The following TENM4 variants were observed in gnomAD, a reference collection of about 807,000 sequenced individuals.
TENM4 encodes the protein teneurin transmembrane protein 4, also known as teneurin-4.
A neutral mutation model predicts 243.3 loss-of-function variants in TENM4; 82 were observed. The ratio of observed to expected loss-of-function variants is 0.34; its 90% CI spans 0.28 to 0.40. TENM4 has a LOEUF of 0.40. Ranked by LOEUF, TENM4 falls within the 10% of genes least tolerant of loss-of-function variation. The pLI is 1.00. For synonymous variants in TENM4, 1,412 were observed against 1,456.3 expected, an observed-to-expected ratio of 0.97 and a Z score of 0.69; for missense variants, 3,138 against 3,673.3, an observed-to-expected ratio of 0.85 and a Z score of 3.77.
At chr11:79,223,384 G>A (rs1490764387) in intron 2 of TENM4, among the ~76,000 whole-genome samples, 1 of 152,080 alleles carries the variant, frequency 6.6e-6, no homozygotes, top group Non-Finnish European at 1.5e-5. Context: ...ACCCCTTCAA[G>A]CACATCATCA....
In TENM4 at chr11:79,438,161, G is replaced by C. The variant is rs970295646; in HGVS notation, c.-321+2348C>G. 6.6e-6 allele frequency among the ~76,000 whole-genome samples: 1 copy of C among 152,098 alleles called. No individual in the cohort carries two copies. The highest frequency in any genetic ancestry group is 2.4e-5 in the African/African-American group (1 of 41,398). On this transcript the variant is annotated intron_variant, in intron 1 of 33. Coordinates refer to ENST00000278550, the MANE Select transcript of TENM4 (RefSeq NM_001098816.3). The surrounding 1 kb of genome is among the most constrained non-coding windows in gnomAD (Gnocchi z 4.1). Reference sequence around the variant, plus strand: ...CATCACCATCTCCTGACTGCGGGCTGGGGGGAAGGGAGTTCAGGGCCAATG... The same window carrying C: ...CATCACCATCTCCTGACTGCGGGCTCGGGGGAAGGGAGTTCAGGGCCAATG...
chr11:79,100,831 G>A lies in TENM4; in HGVS notation c.-65-30822C>T, dbSNP rs113868230. Among the ~76,000 whole-genome samples the A allele has an allele frequency of 2.0e-5, 3 of 152,262 alleles. 1 individual carries two copies. Among genetic ancestry groups the A allele is most frequent in the African/African-American group, 7.2e-5 (3 of 41,554 alleles). ...TCAAGTGGACAAAAGGTATTTAGCA[G>A]GGGTGTTCTTAACCTTCCACTCCCC... On this transcript the variant is annotated intron_variant, in intron 4 of 33. Coordinates refer to ENST00000278550, the MANE Select transcript of TENM4 (RefSeq NM_001098816.3).
intron 4 of TENM4, among the ~76,000 whole-genome samples, chr11:79,103,930 T>A (rs1861297672): frequency 6.6e-6 from 1 of 152,198 alleles, no homozygotes; most frequent in African/African-American, 2.4e-5. Context: ...AATAAAAATT[T>A]TTCTGGATCA....
intron 6 of TENM4, among the ~76,000 whole-genome samples, chr11:79,040,829 A>G (rs1265192320): frequency 1.3e-5 from 2 of 152,292 alleles, no homozygotes; most frequent in East Asian, 3.9e-4. Context: ...TCAAATCTCA[A>G]TGTGCATAAG....
chr11:79,316,632 A>C (rs1856807460), intron 1 of TENM4, among the ~76,000 whole-genome samples: 1 of 152,190 alleles, frequency 6.6e-6, no homozygotes, highest in African/African-American at 2.4e-5. Context: ...GTTTCGATGT[A>C]TGTTGCTGAT....
chr11:78,805,596 C>T, intron 14 of TENM4, 104 bp from the exon 15 acceptor site: 1 of 1,376,044 alleles, frequency 7.3e-7, no homozygotes, highest in Non-Finnish European at 1.0e-6. Context: ...TTCATACATT[C>T]TGGCAGAAGG....
chr11:79,075,339 T>A (rs1258401647), intron 4 of TENM4, among the ~76,000 whole-genome samples: 3 of 152,142 alleles, frequency 2.0e-5, no homozygotes, highest in African/African-American at 4.8e-5. Context: ...ATCCTGACAG[T>A]GATAGAATGA....
chr11:78,831,032 G>T (rs1857968428), intron 12 of TENM4, among the ~76,000 whole-genome samples: 1 of 152,178 alleles, frequency 6.6e-6, no homozygotes, highest in Admixed American at 6.5e-5. Context: ...TCTTACCCCA[G>T]CATTAAAAGT....
chr11:79,406,962 T>A, intron 1 of TENM4, among the ~76,000 whole-genome samples: 1 of 152,148 alleles, frequency 6.6e-6, no homozygotes, highest in Non-Finnish European at 1.5e-5. Flanking sequence ...ACAATCTACT[T>A]CTGTGCCAGG....
intron 18 of TENM4, among the ~76,000 whole-genome samples, chr11:78,767,339 T>C (rs1432538749): frequency 2.6e-5 from 4 of 152,236 alleles, no homozygotes; most frequent in Non-Finnish European, 2.9e-5. Context: ...CACAATTGCT[T>C]TGCAAACTGT....
rs78572681 is a variant in TENM4 at position 78,658,368 on chromosome 11, T to C, written c.8000A>G (p.Gln2667Arg). 1,115 of 1,614,024 alleles carry C rather than the reference T, an allele frequency of 6.9e-4. 6 individuals are homozygous for C. The African/African-American group carries it at 0.012, about 18-fold the overall frequency. Residue 2667 changes from glutamine to arginine, a missense_variant, in exon 34 of 34, where the codon CAG (glutamine) becomes CGG (arginine). Around this residue, in one of 2 missense-constraint regions of TENM4, gnomAD observed 2,467 missense variants for 3,059.1 expected, o/e 0.81. Transcript: ENST00000278550. ...CAAGCACAGTGCCCCGTACTGGAGCTGGATGTCTGTGTAGCGTCTAGTCCT... is the reference window on the plus strand; with the variant it reads ...CAAGCACAGTGCCCCGTACTGGAGCCGGATGTCTGTGTAGCGTCTAGTCCT... Reference protein sequence around the residue: ...NGRTRRYTDIQLQYGALCLNT... With the variant: ...NGRTRRYTDIRLQYGALCLNT...
At chr11:78,971,507 T>C (rs1313214935) in intron 6 of TENM4, among the ~76,000 whole-genome samples, 1 of 152,176 alleles carries the variant, frequency 6.6e-6, no homozygotes, top group East Asian at 1.9e-4. Context: ...TTCACCATGT[T>C]GGCCAGGATA....
chr11:78,778,510 A>T, intron 17 of TENM4, 92 bp downstream of exon 17: 1 of 1,330,728 alleles, frequency 7.5e-7, no homozygotes, highest in Non-Finnish European at 1.1e-6. Context: ...TATGTGGTGT[A>T]TATACATTTT....
chr11:78,728,225 G>A (rs1044974853), intron 22 of TENM4, among the ~76,000 whole-genome samples: 2 of 152,148 alleles, frequency 1.3e-5, no homozygotes, highest in African/African-American at 4.8e-5. Context: ...GATTGTATGC[G>A]AACCCATAGG....
At chr11:78,824,786 G>A (rs910079959) in intron 12 of TENM4, among the ~76,000 whole-genome samples, 3 of 152,154 alleles carry the variant, frequency 2.0e-5, no homozygotes, top group Admixed American at 2.0e-4. Flanking sequence ...TTACAGGCGT[G>A]GGCCACCAGG....
At chr11:78,736,646 A>C (rs899908823) in intron 20 of TENM4, among the ~76,000 whole-genome samples, 7 of 152,052 alleles carry the variant, frequency 4.6e-5, no homozygotes, top group Admixed American at 3.3e-4. Context: ...AAGGTACGGG[A>C]GGTAAGAAAG....
intron 2 of TENM4, among the ~76,000 whole-genome samples, chr11:79,228,646 G>GAA (rs139884843): frequency 6.9e-6 from 1 of 145,664 alleles, no homozygotes; most frequent in African/African-American, 2.5e-5. Context: ...TTCTGGAGAC[G>GAA]AAAAAAAAAA....
At position 79,409,089 on chromosome 11, in the gene TENM4, TGTGTGTGTGTGTGCGCGCGCGCGCGTGC is replaced by T. The variant is rs760964254; in HGVS notation, c.-321+31392_-321+31419del. On this transcript the variant is annotated intron_variant, in intron 1 of 33. Transcript: ENST00000278550. ...GTGTGTGTGTGTGTGTGTGTGTGTG[TGTGTGTGTGTGTGCGCGCGCGCGCGTGC>T]GTGCACGCGCACGCACATGCGTGAG... is the stretch of plus-strand genomic sequence containing the variant. Among the ~76,000 whole-genome samples, 854 of 118,106 alleles carry T rather than the reference TGTGTGTGTGTGTGCGCGCGCGCGCGTGC, an allele frequency of 7.2e-3. 13 individuals carry two copies. Among genetic ancestry groups the T allele is most frequent in the Non-Finnish European group, 7.4e-3 (398 of 53,904 alleles). 77.5% of individuals were successfully genotyped at this position (118,106 alleles called of 152,430 possible).
chr11:79,418,861 T>G (rs1460133451), intron 1 of TENM4, among the ~76,000 whole-genome samples: 1 of 152,226 alleles, frequency 6.6e-6, no homozygotes, highest in African/African-American at 2.4e-5. Flanking sequence ...TGCCCAGCAC[T>G]TTTACAGTGC....
Sources: gnomAD v4.1 joint callset for allele counts (sites outside exome capture counted in the v4.1 genomes callset) on GRCh38, gnomAD v4.1.1 for gene constraint, gnomAD v4.1.1 regional missense constraint, Gnocchi (gnomAD v3.1) non-coding constraint, MANE v1.5 for transcripts, NCBI Gene and HGNC (gene_info 2026-07-23, HGNC 2026-07-21) for gene names.